The following HYDIN variants were observed in gnomAD, a reference collection of about 807,000 sequenced individuals.
HYDIN encodes the protein HYDIN axonemal central pair apparatus protein.
HYDIN carries 132 observed loss-of-function variants against 403.9 expected under a neutral mutation model. The ratio of observed to expected loss-of-function variants is 0.33; its 90% CI spans 0.28 to 0.38. The LOEUF is 0.38. HYDIN is among the 10% of genes least tolerant of loss of function. The pLI is 1.00. For synonymous variants in HYDIN, 1,202 were observed against 1,891.7 expected, an observed-to-expected ratio of 0.64 and a Z score of 9.46; for missense variants, 2,827 against 5,009.5, an observed-to-expected ratio of 0.56 and a Z score of 13.15.
intron 41 of HYDIN, among the ~76,000 whole-genome samples, chr16:70,946,608 G>C (rs967600563): frequency 4.6e-5 from 7 of 152,138 alleles, no homozygotes; most frequent in African/African-American, 1.7e-4. Flanking sequence ...ATCCAGACTG[G>C]ATAGGGAGGG....
intron 12 of HYDIN, among the ~76,000 whole-genome samples, chr16:71,087,302 T>C (rs1185068048): frequency 6.6e-6 from 1 of 151,914 alleles, no homozygotes; most frequent in Non-Finnish European, 1.5e-5. Flanking sequence ...GTCAGAAGGG[T>C]TGGTGATTGC....
At position 70,878,220 on chromosome 16, in the gene HYDIN, T is replaced by C. The variant is rs558866501; in HGVS notation, c.10557+1077A>G. On this transcript the variant is annotated intron_variant, in intron 62 of 85. Transcript: ENST00000393567. ...GTTCCCCTGCACAAGCTCTCTTGCCTGCCACCACGTAAGACATGTCTTTCT... is the reference window on the plus strand; with the variant it reads ...GTTCCCCTGCACAAGCTCTCTTGCCCGCCACCACGTAAGACATGTCTTTCT... Among the ~76,000 whole-genome samples, 385 of 151,116 alleles carry C rather than the reference T, an allele frequency of 2.5e-3. 1 individual carries two copies. The highest frequency in any genetic ancestry group is 9.0e-3 in the African/African-American group (368 of 41,094).
At chr16:70,971,347 T>C (rs573570581) in intron 35 of HYDIN, among the ~76,000 whole-genome samples, 29 of 152,386 alleles carry the variant, frequency 1.9e-4, no homozygotes, top group African/African-American at 7.0e-4. Flanking sequence ...TCAGATACAA[T>C]TACAACCAGA....
chr16:71,229,085 T>TCATAGGTGGGCA (rs1197079480), intron 1 of HYDIN, among the ~76,000 whole-genome samples: 1 of 139,392 alleles, frequency 7.2e-6, no homozygotes, highest in Non-Finnish European at 1.5e-5. Flanking sequence ...ATGTTCTCAC[T>TCATAGGTGGGCA]CATAGGTGGG....
intron 47 of HYDIN, among the ~76,000 whole-genome samples, chr16:70,916,262 T>C (rs1221463695): frequency 6.6e-6 from 1 of 152,186 alleles, no homozygotes; most frequent in Non-Finnish European, 1.5e-5. Flanking sequence ...GAAAGATCCC[T>C]GTGATGCCAG....
chr16:70,892,472 G>T lies in HYDIN; in HGVS notation c.9306C>A (p.Val3102=). The T allele has an allele frequency of 2.5e-6, 4 of 1,597,054 alleles. No homozygotes were observed. In the South Asian group the frequency reaches 4.5e-5, roughly 18 times the overall value. Residue 3102 remains valine (V), a synonymous_variant, in exon 56 of 86, where the codon GTC becomes GTA. Transcript: ENST00000393567. ...GGGTCAGTGAACCCTTTTTGGGTTG[G>T]ACTGAGATCATGGAATTTATATTAG... ...STPNINSMIS[V]QPKKGSLTPT...
intron 39 of HYDIN, among the ~76,000 whole-genome samples, chr16:70,956,189 T>C (rs1045412185): frequency 2.6e-5 from 4 of 151,290 alleles, no homozygotes; most frequent in African/African-American, 7.3e-5. Flanking sequence ...CTGATTCTAA[T>C]AGGAAAACTT....
chr16:70,838,250 G>A (rs2037575457), intron 76 of HYDIN, among the ~76,000 whole-genome samples: 1 of 151,992 alleles, frequency 6.6e-6, no homozygotes, highest in African/African-American at 2.4e-5. Context: ...GAGTGCAGTG[G>A]CATGATCTCA....
chr16:70,819,232 T>C (rs1294653807), intron 83 of HYDIN, among the ~76,000 whole-genome samples: 1 of 151,982 alleles, frequency 6.6e-6, no homozygotes, highest in Non-Finnish European at 1.5e-5. Flanking sequence ...GCTTTCTTCC[T>C]ATTCCTGTTG....
rs369677242 is a variant in HYDIN, at chr16:70,824,119, G to A, written c.14427+3142C>T. Among the ~76,000 whole-genome samples, 132 of 151,286 alleles carry A rather than the reference G, an allele frequency of 8.7e-4. 1 individual carries two copies. In the East Asian group the frequency reaches 0.019, roughly 22 times the overall value. On this transcript the variant is annotated intron_variant, in intron 83 of 85. Coordinates refer to ENST00000393567, the MANE Select transcript of HYDIN (RefSeq NM_001270974.2). Reference sequence around the variant, plus strand: ...AGTATTATAATCATTATAACCAGAAGCAGAAATGCTTTTTATTCTTTGAAA... The same window carrying A: ...AGTATTATAATCATTATAACCAGAAACAGAAATGCTTTTTATTCTTTGAAA...
intron 83 of HYDIN, among the ~76,000 whole-genome samples, chr16:70,819,132 C>T (rs1597033862): frequency 6.6e-6 from 1 of 151,638 alleles, no homozygotes; most frequent in African/African-American, 2.4e-5. Flanking sequence ...CCAGGCTGGT[C>T]CTGAACTCCT....
chr16:71,100,269 TA>T (rs528514775), intron 10 of HYDIN, among the ~76,000 whole-genome samples: 216 of 152,362 alleles, frequency 1.4e-3, no homozygotes, highest in African/African-American at 5.0e-3. Flanking sequence ...AACTAGACTA[TA>T]TTCTTGAAAA....
intron 27 of HYDIN, among the ~76,000 whole-genome samples, chr16:70,985,727 T>G (rs1487402192): frequency 2.7e-5 from 4 of 150,924 alleles, no homozygotes; most frequent in Non-Finnish European, 5.9e-5. Flanking sequence ...TCTTTGCTAT[T>G]GTGAATAGTG....
chr16:71,072,491 C>G (rs1030486034), intron 13 of HYDIN, among the ~76,000 whole-genome samples: 4 of 152,144 alleles, frequency 2.6e-5, no homozygotes, highest in African/African-American at 9.7e-5. Flanking sequence ...GGAATGTTAC[C>G]TTACACTACA....
At position 70,835,453 on chromosome 16, in the gene HYDIN, G is replaced by A. The variant is rs556951128; in HGVS notation, c.13401+223C>T. On this transcript the variant is annotated intron_variant, in intron 78 of 85. Coordinates refer to ENST00000393567, the MANE Select transcript of HYDIN (RefSeq NM_001270974.2). ...GGAAAATGAAATGAAAATGCAAAAT[G>A]AAAATAATGTTCGTTTTCACAAAAA... is the stretch of plus-strand genomic sequence containing the variant. 1.1e-3 allele frequency among the ~76,000 whole-genome samples: 171 copies of A among 152,346 alleles called. 1 individual carries two copies. Among genetic ancestry groups the A allele is most frequent in the African/African-American group, 3.9e-3 (164 of 41,580 alleles).
intron 67 of HYDIN, among the ~76,000 whole-genome samples, chr16:70,864,689 T>A (rs937128449): frequency 6.7e-6 from 1 of 150,112 alleles, no homozygotes; most frequent in South Asian, 2.1e-4. Flanking sequence ...TTGTATTTAT[T>A]CTAAAGATAA....
intron 9 of HYDIN, among the ~76,000 whole-genome samples, chr16:71,118,008 T>C (rs538424371): frequency 6.6e-6 from 1 of 152,152 alleles, no homozygotes; most frequent in Admixed American, 6.5e-5. Context: ...AATGTTTCCT[T>C]ATGCTGTCAC....
chr16:71,007,535 C>T (rs2144090414), intron 23 of HYDIN, among the ~76,000 whole-genome samples: 1 of 151,866 alleles, frequency 6.6e-6, no homozygotes, highest in South Asian at 2.1e-4. Context: ...GAAGATATAG[C>T]AGTGACCAAG....
intron 1 of HYDIN, among the ~76,000 whole-genome samples, chr16:71,210,814 T>C (rs988162477): frequency 4.6e-5 from 7 of 152,248 alleles, no homozygotes; most frequent in African/African-American, 1.7e-4. Flanking sequence ...TACAGAATAA[T>C]AAATGCAACT....
Sources: allele counts gnomAD v4.1 joint callset (sites outside exome capture counted in the v4.1 genomes callset), GRCh38; gene constraint gnomAD v4.1.1; transcripts MANE v1.5; gene names NCBI Gene and HGNC (gene_info 2026-07-23, HGNC 2026-07-21).